Variants in KCNIP1 observed in about 807,000 individuals in gnomAD.
The protein encoded by KCNIP1 is A-type potassium channel modulatory protein KCNIP1.
In KCNIP1, 18 loss-of-function variants were observed where a neutral mutation model predicts 33.0. The ratio of observed to expected loss-of-function variants is 0.55; its 90% CI spans 0.38 to 0.81. The LOEUF is 0.81. Ranked by LOEUF, KCNIP1 falls within the 30% of genes least tolerant of loss-of-function variation. The pLI, the probability that KCNIP1 is intolerant of heterozygous loss-of-function variation, is 0.00. For missense variants in KCNIP1, 238 were observed against 271.6 expected, an observed-to-expected ratio of 0.88 and a Z score of 0.87; for synonymous variants, 93 against 98.3, an observed-to-expected ratio of 0.95 and a Z score of 0.32.
intron 1 of KCNIP1, among the ~76,000 whole-genome samples, chr5:170,517,394 A>G (rs1343909578): frequency 6.6e-6 from 1 of 152,192 alleles, no homozygotes; most frequent in Non-Finnish European, 1.5e-5. Flanking sequence ...GATTTGGGTG[A>G]GGACATAGAG....
intron 1 of KCNIP1, among the ~76,000 whole-genome samples, chr5:170,637,992 T>G (rs1386748135): frequency 7.5e-6 from 1 of 133,556 alleles, no homozygotes; most frequent in African/African-American, 2.8e-5. Flanking sequence ...CAGTTCAGCT[T>G]AAAGCAGAGA....
At chr5:170,359,117 T>C (rs911608858) in intron 1 of KCNIP1, among the ~76,000 whole-genome samples, 1 of 152,138 alleles carries the variant, frequency 6.6e-6, no homozygotes, top group Non-Finnish European at 1.5e-5. Context: ...AGGACAGCCA[T>C]ACCCATGCTC....
At chr5:170,503,953 T>G, upstream of KCNIP1, 8 of 312,754 alleles carry the variant, frequency 2.6e-5, no homozygotes, top group Non-Finnish European at 3.6e-5. Flanking sequence ...CGTGCAGCCC[T>G]CGCCCCCGCC....
intron 1 of KCNIP1, among the ~76,000 whole-genome samples, chr5:170,404,856 G>A (rs544357598): frequency 2.0e-5 from 3 of 152,000 alleles, no homozygotes; most frequent in East Asian, 1.9e-4. Flanking sequence ...ATTTATTATC[G>A]CATTATGATT....
At position 170,609,994 on chromosome 5, in the gene KCNIP1, G is replaced by A. The variant is rs535637304; in HGVS notation, c.61+105361G>A. On this transcript the variant is annotated intron_variant, in intron 1 of 7. Coordinates refer to ENST00000328939, the MANE Select transcript of KCNIP1 (RefSeq NM_014592.4). ...ATGGAAAATGCATGAGCTCTTGCTG[G>A]GGTGGGTCCTAATTTGGCTTTTAGC... Among the ~76,000 whole-genome samples, 15 of 152,318 alleles carry A rather than the reference G, an allele frequency of 9.8e-5. No individual in the cohort carries two copies. The East Asian group carries it at 2.7e-3, about 27-fold the overall frequency.
intron 1 of KCNIP1, among the ~76,000 whole-genome samples, chr5:170,395,508 C>T (rs549434394): frequency 1.3e-5 from 2 of 152,314 alleles, no homozygotes; most frequent in East Asian, 1.9e-4. Context: ...AGGCAGAGTC[C>T]GCCTCTGCTA....
chr5:170,477,230 G>C (rs1411887307), intron 1 of KCNIP1, among the ~76,000 whole-genome samples: 1 of 151,476 alleles, frequency 6.6e-6, no homozygotes, highest in Non-Finnish European at 1.5e-5. Context: ...TCACTCTGGG[G>C]AGATATATAT....
chr5:170,501,515 A>T (rs567850447), upstream of KCNIP1, among the ~76,000 whole-genome samples: 1 of 152,236 alleles, frequency 6.6e-6, no homozygotes, highest in Non-Finnish European at 1.5e-5. Context: ...AGAGGCAGCC[A>T]ATTGCAAACA....
At chr5:170,608,153 T>A (rs1030140055) in intron 1 of KCNIP1, among the ~76,000 whole-genome samples, 8 of 152,108 alleles carry the variant, frequency 5.3e-5, no homozygotes, top group Admixed American at 2.6e-4. Context: ...ATCTGTCTCC[T>A]AGGAACAAGG....
intron 1 of KCNIP1, among the ~76,000 whole-genome samples, chr5:170,459,595 G>GAT (rs1561635921): frequency 6.6e-6 from 1 of 152,036 alleles, no homozygotes; most frequent in Non-Finnish European, 1.5e-5. Flanking sequence ...AATATCACTG[G>GAT]GTCAAAAATG....
chr5:170,593,422 G>C (rs571980588), intron 1 of KCNIP1, among the ~76,000 whole-genome samples: 3 of 152,354 alleles, frequency 2.0e-5, no homozygotes, highest in African/African-American at 7.2e-5. Context: ...AGATATCACG[G>C]AGAGGGGAGC....
intron 1 of KCNIP1, among the ~76,000 whole-genome samples, chr5:170,415,091 G>A (rs1021608621): frequency 1.3e-5 from 2 of 152,174 alleles, no homozygotes; most frequent in African/African-American, 4.8e-5. Flanking sequence ...TTTATCTCCT[G>A]TCATATATAT....
chr5:170,715,561 C>T (rs1387752958), intron 1 of KCNIP1, among the ~76,000 whole-genome samples: 2 of 152,182 alleles, frequency 1.3e-5, no homozygotes, highest in African/African-American at 4.8e-5. Flanking sequence ...GATAGGTATT[C>T]ATCACTGTGT....
At chr5:170,674,975 GT>G (rs11299791) in intron 1 of KCNIP1, among the ~76,000 whole-genome samples, 68,262 of 145,624 alleles carry the variant, frequency 0.47, 16,318 homozygotes, top group African/African-American at 0.61. Context: ...GTTTTGTTTT[GT>G]TTTTTTTTTT....
intron 1 of KCNIP1, among the ~76,000 whole-genome samples, chr5:170,714,695 A>G (rs959280618): frequency 6.6e-6 from 1 of 152,210 alleles, no homozygotes; most frequent in Non-Finnish European, 1.5e-5. Context: ...GTTTTAAAAG[A>G]AAAGAAATGA....
In KCNIP1 at chr5:170,735,962, A is replaced by T. The variant is rs1157300042; in HGVS notation, c.*156A>T. Reference sequence around the variant, plus strand: ...TTCTCTGCTGAAGACTTTCTATGGAACCCAGCATCATGTGGCTCAGTCTCT... The same window carrying T: ...TTCTCTGCTGAAGACTTTCTATGGATCCCAGCATCATGTGGCTCAGTCTCT... On this transcript the variant is annotated 3_prime_UTR_variant, in exon 8 of 8. Coordinates refer to ENST00000328939, the MANE Select transcript of KCNIP1 (RefSeq NM_014592.4). The T allele has an allele frequency of 4.9e-6, 3 of 616,906 alleles. No individual in the cohort carries two copies. The highest frequency in any genetic ancestry group is 5.7e-6 in the Non-Finnish European group (2 of 349,224). The allele number at this position is 616,906 out of a possible 1,614,324, so 38.2% of individuals were successfully genotyped here.
intron 1 of KCNIP1, among the ~76,000 whole-genome samples, chr5:170,390,517 A>AAATATATATATATATATATATATATAT: frequency 1.7e-4 from 13 of 74,516 alleles, no homozygotes; most frequent in East Asian, 1.7e-3. Flanking sequence ...AAAAAAAACA[A>AAATATATATATATATATATATATATAT]ATATATATAT....
At chr5:170,412,048 G>T (rs939807468) in intron 1 of KCNIP1, among the ~76,000 whole-genome samples, 1 of 152,150 alleles carries the variant, frequency 6.6e-6, no homozygotes, top group Non-Finnish European at 1.5e-5. Flanking sequence ...AGCAAGTGAC[G>T]GTGCATGCTG....
At chr5:170,673,878 T>G (rs894208159) in intron 1 of KCNIP1, among the ~76,000 whole-genome samples, 2 of 152,024 alleles carry the variant, frequency 1.3e-5, no homozygotes, top group Non-Finnish European at 2.9e-5. Context: ...GTGAGCGCTC[T>G]TACACATACT....
Sources: gnomAD v4.1 joint callset for allele counts (sites outside exome capture counted in the v4.1 genomes callset) on GRCh38, gnomAD v4.1.1 for gene constraint, MANE v1.5 for transcripts, NCBI Gene and HGNC (gene_info 2026-07-23, HGNC 2026-07-21) for gene names.